Variants in UMAD1 observed in about 807,000 individuals in gnomAD.
UMAD1 encodes the protein UBAP1-MVB12-associated (UMA) domain containing 1.
UMAD1 carries 8 observed loss-of-function variants against 6.1 expected under a neutral mutation model. The observed-to-expected ratio is 1.30, with a 90% CI of 0.76 to 2.35. The LOEUF (loss-of-function observed/expected upper bound fraction) is 2.35. Ranked by LOEUF, UMAD1 falls within the 30% of genes most tolerant of loss-of-function variation. The pLI, the probability that UMAD1 is intolerant of heterozygous loss-of-function variation, is 0.00. For synonymous variants in UMAD1, 56 were observed against 31.4 expected (o/e 1.78, Z -2.61); for missense variants, 130 against 78.4 (o/e 1.66, Z -2.49).
At chr7:7,841,845 A>G (rs1190278332) in intron 3 of UMAD1, among the ~76,000 whole-genome samples, 1 of 152,146 alleles carries the variant, frequency 6.6e-6, no homozygotes, top group Non-Finnish European at 1.5e-5. Flanking sequence ...CATACCTCCT[A>G]TATTTTGTTT....
At chr7:7,725,369 C>T (rs192651642) in intron 2 of UMAD1, among the ~76,000 whole-genome samples, 20 of 152,270 alleles carry the variant, frequency 1.3e-4, no homozygotes, top group South Asian at 4.2e-4. Context: ...GGCCATATGA[C>T]CCAGCAGATC....
chr7:7,807,045 G>A (rs748236255), intron 3 of UMAD1, among the ~76,000 whole-genome samples: 1 of 152,126 alleles, frequency 6.6e-6, no homozygotes, highest in African/African-American at 2.4e-5. Flanking sequence ...AGACATGGTG[G>A]TAGGGAGGAT....
intron 3 of UMAD1, among the ~76,000 whole-genome samples, chr7:7,853,930 T>A (rs1490257434): frequency 6.6e-6 from 1 of 152,172 alleles, no homozygotes; most frequent in Non-Finnish European, 1.5e-5. Context: ...ATTAATAATG[T>A]TGTCAGCTTT....
At chr7:7,653,489 C>G (rs2115552485) in intron 1 of UMAD1, among the ~76,000 whole-genome samples, 1 of 152,206 alleles carries the variant, frequency 6.6e-6, no homozygotes, top group Non-Finnish European at 1.5e-5. Context: ...CTGTGGTTTT[C>G]ACATGTATAG....
At chr7:7,747,212 A>G (rs1781589469) in intron 2 of UMAD1, among the ~76,000 whole-genome samples, 1 of 152,220 alleles carries the variant, frequency 6.6e-6, no homozygotes. Flanking sequence ...TTGCTACAGG[A>G]GAACAGAAAT....
In UMAD1 at chr7:7,678,515, GATAA is replaced by G. The variant is rs947447348; in HGVS notation, c.82+5066_82+5069del. Reference sequence around the variant, plus strand: ...AATATATATTTATATATTTAATATAGATAAATATATTTATATACTTAATTTATAG... The same window carrying G: ...AATATATATTTATATATTTAATATAGATATATTTATATACTTAATTTATAG... On this transcript the variant is annotated intron_variant, in intron 2 of 3. Transcript: ENST00000682710. 9.9e-5 allele frequency among the ~76,000 whole-genome samples: 12 copies of G among 121,496 alleles called. No homozygotes were observed. In the East Asian group the frequency reaches 2.8e-3, roughly 29 times the overall value. 79.7% of individuals were successfully genotyped at this position (121,496 alleles called of 152,430 possible).
At chr7:7,754,236 G>A (rs578181409) in intron 2 of UMAD1, among the ~76,000 whole-genome samples, 1 of 152,040 alleles carries the variant, frequency 6.6e-6, no homozygotes, top group East Asian at 1.9e-4. Flanking sequence ...GTGTACAGGG[G>A]TTCCCTTTTC....
chr7:7,861,959 G>A (rs17496091), intron 3 of UMAD1, among the ~76,000 whole-genome samples: 36,996 of 151,982 alleles, frequency 0.24, 5,526 homozygotes, highest in Non-Finnish European at 0.33. Context: ...TCAGACAACA[G>A]CCTTAACATG....
intron 3 of UMAD1, among the ~76,000 whole-genome samples, chr7:7,824,238 AC>A (rs1783299926): frequency 6.6e-6 from 1 of 152,048 alleles, no homozygotes; most frequent in Admixed American, 6.6e-5. Flanking sequence ...CATTCCAAGT[AC>A]CCCGGCTCAC....
At chr7:7,859,868 G>C (rs1188042705) in intron 3 of UMAD1, among the ~76,000 whole-genome samples, 1 of 152,144 alleles carries the variant, frequency 6.6e-6, no homozygotes, top group African/African-American at 2.4e-5. Context: ...TCACTAGACT[G>C]TATTTTCCTT....
intron 2 of UMAD1, among the ~76,000 whole-genome samples, chr7:7,728,284 C>T (rs2024371): frequency 6.6e-6 from 1 of 151,938 alleles, no homozygotes; most frequent in Non-Finnish European, 1.5e-5. Context: ...TCACAGCTGG[C>T]GGCCAGCAGG....
intron 2 of UMAD1, among the ~76,000 whole-genome samples, chr7:7,761,847 C>G (rs1781895781): frequency 6.6e-6 from 1 of 152,100 alleles, no homozygotes; most frequent in Admixed American, 6.6e-5. Context: ...TTCCATACAC[C>G]CCTCTCTTCT....
rs1012726298 is a variant in UMAD1, at chr7:7,878,159, C to T, written c.*621C>T. ...CGGTTTTCTGAAACCCATGGCAGCCCTTTCCATCGTGAATAATCGTTGTGT... is the reference window on the plus strand; with the variant it reads ...CGGTTTTCTGAAACCCATGGCAGCCTTTTCCATCGTGAATAATCGTTGTGT... On this transcript the variant is annotated 3_prime_UTR_variant, in exon 4 of 4. Coordinates refer to ENST00000682710, the MANE Select transcript of UMAD1 (RefSeq NM_001302348.2). The T allele has an allele frequency of 6.6e-6, 1 of 152,548 alleles. No homozygotes were observed. Among genetic ancestry groups the T allele is most frequent in the Non-Finnish European group, 1.5e-5 (1 of 68,324 alleles). The allele number at this position is 152,548 out of a possible 1,614,324, so 9.4% of individuals were successfully genotyped here.
chr7:7,672,420 G>T (rs887930467), intron 1 of UMAD1, among the ~76,000 whole-genome samples: 1 of 152,102 alleles, frequency 6.6e-6, no homozygotes, highest in Non-Finnish European at 1.5e-5. Flanking sequence ...TCTCACCAAC[G>T]CAAGGATTTG....
chr7:7,691,040 A>C (rs574728619), intron 2 of UMAD1, among the ~76,000 whole-genome samples: 3 of 152,310 alleles, frequency 2.0e-5, no homozygotes, highest in African/African-American at 7.2e-5. Flanking sequence ...GCATGGTACA[A>C]ACCTGTATTT....
chr7:7,877,427 G>T lies in UMAD1; in HGVS notation c.303G>T (p.Gln101His). 1.4e-6 allele frequency: 1 copy of T among 717,700 alleles called. No homozygotes were observed. Among genetic ancestry groups the T allele is most frequent in the Non-Finnish European group, 2.6e-6 (1 of 385,142 alleles). 44.5% of individuals were successfully genotyped at this position (717,700 alleles called of 1,614,324 possible). Reference protein sequence around the residue: ...FTLAPHVLAVQGTITDLPDHL... With the variant: ...FTLAPHVLAVHGTITDLPDHL... ...TGGCCCCGCATGTGCTGGCAGTACA[G>T]GGCACCATCACTGACCTTCCCGACC... The change falls in exon 4 of 4, where the codon CAG becomes CAT. Residue 101 changes from glutamine to histidine, a missense_variant. Transcript: ENST00000682710.
At chr7:7,802,335 G>T (rs547706843) in intron 3 of UMAD1, among the ~76,000 whole-genome samples, 1 of 151,240 alleles carries the variant, frequency 6.6e-6, no homozygotes, top group South Asian at 2.1e-4. Context: ...CCTAGATCGC[G>T]CCTCTGCGCT....
intron 3 of UMAD1, among the ~76,000 whole-genome samples, chr7:7,849,639 C>T (rs997981975): frequency 6.6e-6 from 1 of 152,160 alleles, no homozygotes; most frequent in East Asian, 1.9e-4. Context: ...GCACATACAA[C>T]AGAGTGGACA....
In UMAD1 at chr7:7,673,415, C is replaced by G. The variant is rs1299461804; in HGVS notation, c.44C>G (p.Ser15Ter). 2.8e-6 allele frequency: 3 copies of G among 1,054,570 alleles called. No homozygotes were observed. The African/African-American group carries it at 4.7e-5, about 16-fold the overall frequency. 65.3% of individuals were successfully genotyped at this position (1,054,570 alleles called of 1,614,324 possible). A position where few individuals can be genotyped will look rare whatever the true frequency, so the allele number is the denominator to read the frequency against. ...FRKPPESKKP[S>*]VPETEADGFV... ...AAGCCTCCGGAATCTAAAAAGCCCT[C>G]AGTACCAGAGACAGAAGCAGATGGA... Residue 15 changes from serine (S) to a stop codon, truncating the protein, a stop_gained, in exon 2 of 4, where the codon TCA (serine) becomes TGA (stop). Transcript: ENST00000682710. LOFTEE classifies it high-confidence loss of function.
Sources: gnomAD v4.1 joint callset for allele counts (sites outside exome capture counted in the v4.1 genomes callset) on GRCh38, gnomAD v4.1.1 for gene constraint, MANE v1.5 for transcripts, NCBI Gene and HGNC (gene_info 2026-07-23, HGNC 2026-07-21) for gene names.